Variants in STAG2 observed in about 807,000 individuals in gnomAD.
The protein encoded by STAG2 is STAG2 cohesin complex component.
Under a neutral mutation model 108.1 loss-of-function variants are expected in STAG2, and 14 were observed. The ratio of observed to expected loss-of-function variants is 0.13; its 90% CI spans 0.09 to 0.20. STAG2 has a LOEUF of 0.20. STAG2 is among the 10% of genes least tolerant of loss of function. The pLI is 1.00. For synonymous variants in STAG2, 307 were observed against 302.7 expected (o/e 1.01, Z -0.15); for missense variants, 440 against 940.9 (o/e 0.47, Z 6.96).
intron 1 of STAG2, among the ~76,000 whole-genome samples, chrX:124,002,812 C>CTTT (rs111999061): frequency 1.1e-5 from 1 of 92,941 alleles, no homozygotes; most frequent in African/African-American, 4.0e-5. Flanking sequence ...TTCTTTCTTT[C>CTTT]TTTTTTTTTT....
intron 21 of STAG2, 38 bp downstream of exon 21, chrX:124,065,984 G>A (rs768426737): frequency 1.1e-5 from 12 of 1,090,288 alleles, no homozygotes; most frequent in Non-Finnish European, 1.5e-5. Flanking sequence ...TCTTAAATCT[G>A]TAGAAATAAA....
chrX:124,022,787 T>C, intron 3 of STAG2, 116 bp downstream of exon 3: 1 of 451,614 alleles, frequency 2.2e-6, no homozygotes. Context: ...ATAAAATAGC[T>C]TTTATGCTTT....
At chrX:123,975,618 C>T (rs1006744259) in intron 1 of STAG2, among the ~76,000 whole-genome samples, 1 of 111,639 alleles carries the variant, frequency 9.0e-6, no homozygotes, top group Non-Finnish European at 1.9e-5. Context: ...CATGTGCCAC[C>T]ATGTCCGGCT....
chrX:124,044,982 T>C (rs1447085744), intron 7 of STAG2, among the ~76,000 whole-genome samples, 182 bp from the exon 8 acceptor site: 2 of 111,666 alleles, frequency 1.8e-5, no homozygotes, highest in African/African-American at 6.5e-5. Flanking sequence ...AATAAAGAGC[T>C]GAAGTGTTCA....
chrX:124,053,266 G>A (rs1184111940), intron 13 of STAG2, among the ~76,000 whole-genome samples: 3 of 111,943 alleles, frequency 2.7e-5, no homozygotes, highest in East Asian at 2.8e-4. Flanking sequence ...ATAATATGAC[G>A]TTTTATAAAA....
intron 1 of STAG2, among the ~76,000 whole-genome samples, chrX:123,986,844 A>ATT (rs34002356): frequency 9.7e-6 from 1 of 103,446 alleles, no homozygotes; most frequent in East Asian, 3.0e-4. Context: ...GTTAGTGAAC[A>ATT]TTTTTTTTTT....
upstream of STAG2, chrX:123,961,461 G>T (rs2053848965): frequency 9.1e-6 from 1 of 110,008 alleles, no homozygotes; most frequent in African/African-American, 3.3e-5. Flanking sequence ...AGCCGTAGTC[G>T]GGGGAGGAAA....
chrX:123,997,690 T>C (rs1216300711), intron 1 of STAG2, among the ~76,000 whole-genome samples: 1 of 112,568 alleles, frequency 8.9e-6, no homozygotes, highest in East Asian at 2.8e-4. Flanking sequence ...TAGGCGGGAG[T>C]GCATTGGCAC....
chrX:124,057,141 C>T (rs1006464076), intron 14 of STAG2, among the ~76,000 whole-genome samples: 4 of 112,011 alleles, frequency 3.6e-5, no homozygotes, highest in African/African-American at 9.7e-5. Flanking sequence ...AAGAATTCTA[C>T]AGTCTCTTTA....
At chrX:124,074,025 C>T (rs747745787) in intron 25 of STAG2, among the ~76,000 whole-genome samples, 1 of 112,165 alleles carries the variant, frequency 8.9e-6, no homozygotes, top group East Asian at 2.8e-4. Flanking sequence ...TTCATTTATT[C>T]TTGCTAACTT....
intron 5 of STAG2, among the ~76,000 whole-genome samples, chrX:124,033,717 G>A (rs748346483): frequency 9.0e-6 from 1 of 111,672 alleles, no homozygotes; most frequent in African/African-American, 3.3e-5. Flanking sequence ...AGCTGAGATC[G>A]CACCATTGCA....
rs752556564 is a variant in STAG2 at position 124,062,946 on chromosome X, A to C, written c.1683A>C (p.Thr561=). 5 of 1,210,322 alleles carry C rather than the reference A, an allele frequency of 4.1e-6. No homozygotes were observed. The African/African-American group carries it at 7.0e-5, about 17-fold the overall frequency. Residue 561 remains threonine, a synonymous_variant, in exon 18 of 35, where the codon ACA becomes ACC. Transcript: ENST00000371145. ...KEKKTQLDDR[T]KITELFAVAL... ...AGAAGACACAGTTGGATGATAGGACAAAAATCACTGAGCTTTTTGCCGTGG... is the reference window on the plus strand; with the variant it reads ...AGAAGACACAGTTGGATGATAGGACCAAAATCACTGAGCTTTTTGCCGTGG...
At chrX:123,999,310 A>C (rs1404029755) in intron 1 of STAG2, among the ~76,000 whole-genome samples, 2 of 110,860 alleles carry the variant, frequency 1.8e-5, no homozygotes, top group Non-Finnish European at 3.8e-5. Flanking sequence ...TGTCAGTAAC[A>C]TTTAATTTTA....
At chrX:124,090,791 C>T in intron 31 of STAG2, 27 bp downstream of exon 31, 1 of 1,202,417 alleles carries the variant, frequency 8.3e-7, no homozygotes, top group Non-Finnish European at 1.1e-6. Flanking sequence ...ATTTTCTGTA[C>T]TATAACTTTA....
At chrX:123,991,953 C>T (rs1252066890) in intron 1 of STAG2, among the ~76,000 whole-genome samples, 3 of 113,092 alleles carry the variant, frequency 2.7e-5, no homozygotes, top group Non-Finnish European at 3.7e-5. Flanking sequence ...GCGTGAGCAA[C>T]GACGCCTGGC....
chrX:124,038,490 A>G (rs1234209951), intron 6 of STAG2, among the ~76,000 whole-genome samples: 1 of 111,024 alleles, frequency 9.0e-6, no homozygotes, highest in Non-Finnish European at 1.9e-5. Context: ...AAAAATAGAT[A>G]TAAAACGTTA....
chrX:124,089,825 T>C (rs1275714503), intron 30 of STAG2, among the ~76,000 whole-genome samples: 1 of 110,475 alleles, frequency 9.1e-6, no homozygotes, highest in Non-Finnish European at 1.9e-5. Flanking sequence ...TTTTGAACCA[T>C]ATGAAATTGC....
intron 15 of STAG2, 105 bp downstream of exon 15, chrX:124,058,082 G>A (rs2058261907): frequency 3.2e-6 from 1 of 316,511 alleles, no homozygotes; most frequent in Non-Finnish European, 5.2e-6. Context: ...AGTAAATTGT[G>A]AATAGAATGG....
chrX:123,984,787 G>A (rs926016706), intron 1 of STAG2, among the ~76,000 whole-genome samples: 3 of 110,129 alleles, frequency 2.7e-5, no homozygotes, highest in Admixed American at 9.7e-5. Context: ...ACAGGCACAC[G>A]CCACCACACC....
Sources: gnomAD v4.1 joint callset for allele counts (sites outside exome capture counted in the v4.1 genomes callset) on GRCh38, gnomAD v4.1.1 for gene constraint, MANE v1.5 for transcripts, NCBI Gene and HGNC (gene_info 2026-07-23, HGNC 2026-07-21) for gene names.